Variants in RPS6KA2 observed in about 807,000 individuals in gnomAD.
The protein encoded by RPS6KA2 is ribosomal protein S6 kinase alpha-2.
In RPS6KA2, 42 loss-of-function variants were observed where a neutral mutation model predicts 91.8. The observed-to-expected ratio is 0.46, with a 90% CI of 0.36 to 0.59. The LOEUF (loss-of-function observed/expected upper bound fraction) is 0.59, where lower values mean the gene tolerates loss of function less well. RPS6KA2 is among the 20% of genes least tolerant of loss of function. The pLI, the probability that RPS6KA2 is intolerant of heterozygous loss-of-function variation, is 0.00. For synonymous variants in RPS6KA2, 414 were observed against 393.6 expected, an observed-to-expected ratio of 1.05 and a Z score of -0.61; for missense variants, 798 against 978.5, an observed-to-expected ratio of 0.82 and a Z score of 2.46.
chr6:166,585,596 G>A (rs1583302357), intron 1 of RPS6KA2, among the ~76,000 whole-genome samples: 1 of 80,918 alleles, frequency 1.2e-5, no homozygotes, highest in Non-Finnish European at 1.9e-5. Context: ...TATAGATTAA[G>A]GAATCACAAA....
At chr6:166,432,654 G>A (rs1357614873) in intron 14 of RPS6KA2, among the ~76,000 whole-genome samples, 164 bp from the exon 15 acceptor site, 1 of 152,116 alleles carries the variant, frequency 6.6e-6, no homozygotes, top group African/African-American at 2.4e-5. Context: ...GAGATTCATG[G>A]CAAGTCCTTT....
intron 12 of RPS6KA2, among the ~76,000 whole-genome samples, chr6:166,456,712 C>T (rs922648055): frequency 1.3e-5 from 2 of 152,232 alleles, no homozygotes; most frequent in Non-Finnish European, 2.9e-5. Context: ...GCCATGTGCT[C>T]AGCTCACATG....
intron 2 of RPS6KA2, among the ~76,000 whole-genome samples, chr6:166,739,657 G>C (rs1429913339): frequency 6.6e-6 from 1 of 152,260 alleles, no homozygotes; most frequent in African/African-American, 2.4e-5. Context: ...CACGGTCATT[G>C]AGACCAATCA....
chr6:166,609,616 C>T (rs1483347729), intron 1 of RPS6KA2, among the ~76,000 whole-genome samples: 6 of 151,376 alleles, frequency 4.0e-5, no homozygotes, highest in African/African-American at 1.2e-4. Flanking sequence ...TCTCCTGACT[C>T]GGCCTCCTGA....
chr6:166,753,793 G>A (rs1777915602), intron 2 of RPS6KA2, among the ~76,000 whole-genome samples: 1 of 152,226 alleles, frequency 6.6e-6, no homozygotes, highest in Admixed American at 6.5e-5. Flanking sequence ...ACACTGAGCT[G>A]CGTTGCCCAT....
Position 166,459,474 on chromosome 6 carries a change from G to A in RPS6KA2, c.1050C>T (p.Pro350=), listed in dbSNP as rs775430468. The change falls in exon 12 of 21, where the codon CCC becomes CCT. Residue 350 remains proline, a synonymous_variant. Coordinates refer to ENST00000265678, the MANE Select transcript of RPS6KA2 (RefSeq NM_021135.6). The surrounding 1 kb of genome is among the most constrained non-coding windows in gnomAD (Gnocchi z 4.9). ...CTGTGGGCGTCCGCGCTGTGAACTC[G>A]GGGTCAAAGTGGAAGGTGTCCTCAG... ...GRPEDTFHFD[P]EFTARTPTDS... 4.2e-5 allele frequency: 68 copies of A among 1,613,870 alleles called. No homozygotes were observed. In the Admixed American group the frequency reaches 9.2e-4, roughly 22 times the overall value.
At chr6:166,823,349 C>T (rs1202162031) in intron 2 of RPS6KA2, among the ~76,000 whole-genome samples, 1 of 151,970 alleles carries the variant, frequency 6.6e-6, no homozygotes, top group Non-Finnish European at 1.5e-5. Context: ...TATTACAGAT[C>T]AGATAACTGG....
At chr6:166,609,645 G>A (rs893072297) in intron 1 of RPS6KA2, among the ~76,000 whole-genome samples, 5 of 151,646 alleles carry the variant, frequency 3.3e-5, no homozygotes, top group Non-Finnish European at 5.9e-5. Context: ...GATTACAGGC[G>A]CATGCCACCA....
intron 2 of RPS6KA2, among the ~76,000 whole-genome samples, chr6:166,828,577 AGTGG>A (rs980029405): frequency 4.6e-5 from 7 of 152,230 alleles, no homozygotes; most frequent in Admixed American, 2.6e-4. Flanking sequence ...GTGCCTTAAA[AGTGG>A]TATCACTGAC....
intron 3 of RPS6KA2, among the ~76,000 whole-genome samples, chr6:166,527,587 T>G (rs938039730): frequency 1.3e-5 from 2 of 152,226 alleles, no homozygotes; most frequent in Non-Finnish European, 2.9e-5. Flanking sequence ...TCCATATGAT[T>G]TGCCCATTTA....
Position 166,504,615 on chromosome 6 carries a change from A to T in RPS6KA2, c.460-3T>A. ...ACATCCTCCTCCGTGAACATGACCT[A>T]GTAAGAAAAAAACAAAAACAAAAAC... On this transcript the variant is annotated splice_region_variant and splice_polypyrimidine_tract_variant and intron_variant, in intron 5 of 20. Coordinates refer to ENST00000265678, the MANE Select transcript of RPS6KA2 (RefSeq NM_021135.6). The T allele has an allele frequency of 6.3e-7, 1 of 1,597,816 alleles. No individual in the cohort carries two copies. The highest frequency in any genetic ancestry group is 1.1e-5 in the South Asian group (1 of 88,670).
At position 166,626,972 on chromosome 6, in the gene RPS6KA2, C is replaced by G; in HGVS notation, c.48G>C (p.Val16=). Reference sequence around the variant, plus strand: ...TGGAGCGCGACTTCCTGCGCAGGTACACAGAGAAGAACCTGCGCACGGCGA... The same window carrying G: ...TGGAGCGCGACTTCCTGCGCAGGTAGACAGAGAAGAACCTGCGCACGGCGA... The part of the protein sequence containing the change: ...KKFAVRRFFS[V]YLRRKSRSKS... The change falls in exon 1 of 21, where the codon GTG becomes GTC. Residue 16 remains valine, a synonymous_variant. Transcript: ENST00000265678. The surrounding 1 kb of genome is among the most constrained non-coding windows in gnomAD (Gnocchi z 4.1). 6.4e-7 allele frequency: 1 copy of G among 1,566,702 alleles called. No individual in the cohort carries two copies. Among genetic ancestry groups the G allele is most frequent in the East Asian group, 2.5e-5 (1 of 40,266 alleles).
At chr6:166,835,404 G>C (rs913443640) in intron 2 of RPS6KA2, among the ~76,000 whole-genome samples, 1 of 152,184 alleles carries the variant, frequency 6.6e-6, no homozygotes, top group Non-Finnish European at 1.5e-5. Flanking sequence ...TAAGTCTTCT[G>C]ATCATGACCT....
chr6:166,836,076 CT>C (rs1342161370), intron 2 of RPS6KA2, among the ~76,000 whole-genome samples: 1 of 152,156 alleles, frequency 6.6e-6, no homozygotes, highest in East Asian at 1.9e-4. Context: ...ATAAGTTCTA[CT>C]TTTTTATGAT....
intron 2 of RPS6KA2, among the ~76,000 whole-genome samples, chr6:166,766,798 C>T (rs1778323028): frequency 6.6e-6 from 1 of 152,214 alleles, no homozygotes; most frequent in Non-Finnish European, 1.5e-5. Context: ...TTGTTTGGGG[C>T]TGGAACGCAG....
At chr6:166,587,531 G>C (rs1785217409) in intron 1 of RPS6KA2, among the ~76,000 whole-genome samples, 1 of 152,054 alleles carries the variant, frequency 6.6e-6, no homozygotes, top group Non-Finnish European at 1.5e-5. Context: ...ACCTGGCATA[G>C]AGTGGGTTCT....
At position 166,861,934 on chromosome 6, in the gene RPS6KA2, T is replaced by C. The variant is rs115618410; in HGVS notation, c.63+174A>G. On this transcript the variant is annotated intron_variant, in intron 1 of 21. Transcript: ENST00000503859. ...TGCGTGTATACACACGCAATGTTTA[T>C]CCATGTGCATACACAACGCAACATA... 3.5e-3 allele frequency among the ~76,000 whole-genome samples: 537 copies of C among 152,374 alleles called. 3 individuals are homozygous for C. The highest frequency in any genetic ancestry group is 0.012 in the African/African-American group (517 of 41,596).
chr6:166,492,387 C>T (rs1034136258), intron 8 of RPS6KA2, among the ~76,000 whole-genome samples: 2 of 152,204 alleles, frequency 1.3e-5, no homozygotes, highest in African/African-American at 4.8e-5. Context: ...CTCTGACTGG[C>T]AGATGAGCTG....
At chr6:166,680,151 C>T (rs1044541967) in intron 2 of RPS6KA2, among the ~76,000 whole-genome samples, 3 of 151,844 alleles carry the variant, frequency 2.0e-5, no homozygotes, top group African/African-American at 7.3e-5. Flanking sequence ...TATGTAAACG[C>T]ACCAATCAGC....
Sources: gnomAD v4.1 joint callset for allele counts (sites outside exome capture counted in the v4.1 genomes callset) on GRCh38, gnomAD v4.1.1 for gene constraint, Gnocchi (gnomAD v3.1) non-coding constraint, MANE v1.5 for transcripts, NCBI Gene and HGNC (gene_info 2026-07-23, HGNC 2026-07-21) for gene names.